PPP1R12B: variants seen among roughly 807,000 people sequenced by gnomAD.
PPP1R12B encodes protein phosphatase 1 regulatory subunit 12B.
A neutral mutation model predicts 126.1 loss-of-function variants in PPP1R12B; 76 were observed. The observed-to-expected ratio is 0.60, with a 90% CI of 0.50 to 0.73. PPP1R12B has a LOEUF of 0.73. Ranked by LOEUF, PPP1R12B falls within the 30% of genes least tolerant of loss-of-function variation. The probability of loss-of-function intolerance (pLI) is 0.00; values close to 1 mark genes in which losing one functional copy is unlikely to be tolerated. For missense variants in PPP1R12B, 1,052 were observed against 1,205.1 expected (o/e 0.87, Z 1.88); for synonymous variants, 356 against 434.7 (o/e 0.82, Z 2.25).
chr1:202,464,031 A>G (rs1288443475), intron 13 of PPP1R12B, among the ~76,000 whole-genome samples: 3 of 152,004 alleles, frequency 2.0e-5, no homozygotes, highest in African/African-American at 7.3e-5. Context: ...GTTTTTTCTC[A>G]CCTTCTTTGC....
At chr1:202,378,441 A>G (rs1661637864) in intron 1 of PPP1R12B, among the ~76,000 whole-genome samples, 1 of 152,016 alleles carries the variant, frequency 6.6e-6, no homozygotes. Context: ...AGGTCATCGC[A>G]GACTTCCTAA....
intron 1 of PPP1R12B, among the ~76,000 whole-genome samples, chr1:202,416,086 G>T (rs940416647): frequency 3.3e-5 from 5 of 152,090 alleles, no homozygotes; most frequent in Admixed American, 2.0e-4. Flanking sequence ...ACAAATAGGT[G>T]GCAGTGAAAT....
At chr1:202,405,477 G>C (rs1329462661) in intron 1 of PPP1R12B, among the ~76,000 whole-genome samples, 1 of 152,030 alleles carries the variant, frequency 6.6e-6, no homozygotes, top group Admixed American at 6.6e-5. Flanking sequence ...TAGAAAGGAG[G>C]GTCCCTTGTT....
At chr1:202,481,285 T>C (rs1321943167) in intron 13 of PPP1R12B, among the ~76,000 whole-genome samples, 1 of 152,206 alleles carries the variant, frequency 6.6e-6, no homozygotes, top group Non-Finnish European at 1.5e-5. Flanking sequence ...TAACCACCAC[T>C]TGTGTTGGTG....
intron 18 of PPP1R12B, among the ~76,000 whole-genome samples, chr1:202,528,910 A>G (rs1558336524): frequency 3.9e-5 from 6 of 152,306 alleles, no homozygotes; most frequent in Middle Eastern, 6.8e-3. Flanking sequence ...AGCTACAGCC[A>G]TATTTTTTAG....
chr1:202,393,020 A>T (rs1054931792), intron 1 of PPP1R12B, among the ~76,000 whole-genome samples: 1 of 152,162 alleles, frequency 6.6e-6, no homozygotes, highest in Non-Finnish European at 1.5e-5. Context: ...ATCTCAACTC[A>T]CTGCAACCTG....
chr1:202,551,341 A>G (rs1686298537), intron 18 of PPP1R12B, among the ~76,000 whole-genome samples: 1 of 152,126 alleles, frequency 6.6e-6, no homozygotes, highest in Non-Finnish European at 1.5e-5. Context: ...TTAAAAGTTA[A>G]TTTTTCCTTG....
chr1:202,579,035 G>A (rs148990777), intron 23 of PPP1R12B, among the ~76,000 whole-genome samples: 10 of 152,238 alleles, frequency 6.6e-5, no homozygotes, highest in Admixed American at 2.6e-4. Flanking sequence ...TGTAGAAATC[G>A]GGATAACAAC....
intron 1 of PPP1R12B, among the ~76,000 whole-genome samples, chr1:202,384,492 C>G (rs1172767805): frequency 6.6e-6 from 1 of 152,070 alleles, no homozygotes; most frequent in Admixed American, 6.6e-5. Flanking sequence ...TATGAACTGT[C>G]TAGAAAAGAC....
intron 13 of PPP1R12B, among the ~76,000 whole-genome samples, chr1:202,481,723 G>A (rs1392519700): frequency 6.6e-6 from 1 of 151,880 alleles, no homozygotes; most frequent in East Asian, 1.9e-4. Flanking sequence ...ATTTCCTTGT[G>A]GTAAGAACAT....
At chr1:202,386,248 T>C (rs984514366) in intron 1 of PPP1R12B, among the ~76,000 whole-genome samples, 29 of 152,080 alleles carry the variant, frequency 1.9e-4, no homozygotes, top group African/African-American at 7.0e-4. Flanking sequence ...TATTTTTCTA[T>C]AGTAAAAAAT....
At chr1:202,432,274 C>CA (rs1217183931) in intron 8 of PPP1R12B, among the ~76,000 whole-genome samples, 2 of 145,254 alleles carry the variant, frequency 1.4e-5, no homozygotes, top group East Asian at 4.0e-4. Flanking sequence ...TATAGGGCTT[C>CA]TTTTTTTTTT....
intron 18 of PPP1R12B, among the ~76,000 whole-genome samples, chr1:202,500,218 G>GCT (rs151303629): frequency 0.14 from 20,311 of 145,866 alleles, 1,695 homozygotes; most frequent in East Asian, 0.39. Flanking sequence ...TCTCTCTCTT[G>GCT]CTCTCTCTCT....
intron 22 of PPP1R12B, 77 bp downstream of exon 22, chr1:202,567,908 C>T (rs1451823327): frequency 4.6e-6 from 7 of 1,528,072 alleles, no homozygotes; most frequent in Non-Finnish European, 6.3e-6. Context: ...TTATTCATGC[C>T]AATGGAAAAA....
intron 12 of PPP1R12B, 147 bp from the exon 13 acceptor site, chr1:202,448,842 A>C: frequency 3.7e-6 from 3 of 804,122 alleles, no homozygotes; most frequent in Non-Finnish European, 5.9e-6. Context: ...CCAAGCTGTA[A>C]GAGCTCAAAA....
Position 202,558,077 on chromosome 1 carries a change from C to T in PPP1R12B, c.2491-800C>T, listed in dbSNP as rs534500193. Among the ~76,000 whole-genome samples, 6 of 150,786 alleles carry T rather than the reference C, an allele frequency of 4.0e-5. No homozygotes were observed. The South Asian group carries it at 1.3e-3, about 31-fold the overall frequency. On this transcript the variant is annotated intron_variant, in intron 18 of 23. Coordinates refer to ENST00000608999, the MANE Select transcript of PPP1R12B (RefSeq NM_002481.4). ...AAGATTTTGTTGTTCTTTAACACTTCAGAAAGGGAAATAATTAAGTGCATT... is the reference window on the plus strand; with the variant it reads ...AAGATTTTGTTGTTCTTTAACACTTTAGAAAGGGAAATAATTAAGTGCATT...
chr1:202,372,400 A>G (rs891567980), intron 1 of PPP1R12B, among the ~76,000 whole-genome samples: 2 of 152,084 alleles, frequency 1.3e-5, no homozygotes, highest in Non-Finnish European at 2.9e-5. Context: ...GCTACTCAGG[A>G]GTCCGAGGAG....
chr1:202,572,131 A>G (rs1173448293), intron 23 of PPP1R12B, among the ~76,000 whole-genome samples: 1 of 152,198 alleles, frequency 6.6e-6, no homozygotes, highest in African/African-American at 2.4e-5. Context: ...GGTGACCAAC[A>G]TTGCTAGAGT....
At chr1:202,369,485 TATTAA>T (rs1199746996) in intron 1 of PPP1R12B, 2 of 152,798 alleles carry the variant, frequency 1.3e-5, no homozygotes, top group African/African-American at 2.4e-5. Context: ...ATTAGAGAGC[TATTAA>T]ATTATGTACA....
Sources: allele counts gnomAD v4.1 joint callset (sites outside exome capture counted in the v4.1 genomes callset), GRCh38; gene constraint gnomAD v4.1.1; transcripts MANE v1.5; gene names NCBI Gene and HGNC (gene_info 2026-07-23, HGNC 2026-07-21).